COG5: variants seen among roughly 807,000 people sequenced by gnomAD.
COG5 encodes the protein conserved oligomeric Golgi complex subunit 5.
A neutral mutation model predicts 110.4 loss-of-function variants in COG5; 86 were observed. The observed-to-expected ratio is 0.78, with a 90% CI of 0.65 to 0.93. The LOEUF is 0.93. COG5 is among the 40% of genes least tolerant of loss of function. The pLI is 0.00. For synonymous variants in COG5, 360 were observed against 334.6 expected, an observed-to-expected ratio of 1.08 and a Z score of -0.83; for missense variants, 1,077 against 987.0, an observed-to-expected ratio of 1.09 and a Z score of -1.22.
At chr7:107,283,550 C>T (rs1257428495) in intron 13 of COG5, 21 bp downstream of exon 13, 2 of 1,602,648 alleles carry the variant, frequency 1.2e-6, no homozygotes, top group Non-Finnish European at 1.7e-6. Context: ...TATGGCAAGC[C>T]ACTATATAAA....
intron 1 of COG5, among the ~76,000 whole-genome samples, chr7:107,562,716 T>C (rs1006273060): frequency 2.0e-5 from 3 of 152,228 alleles, no homozygotes; most frequent in African/African-American, 7.2e-5. Flanking sequence ...TCATTGCTTT[T>C]GACAAAAGTA....
At chr7:107,560,201 T>C (rs758021421) in intron 1 of COG5, among the ~76,000 whole-genome samples, 4 of 152,182 alleles carry the variant, frequency 2.6e-5, no homozygotes. Flanking sequence ...ATTTACACCA[T>C]GGTAATCAGC....
At chr7:107,533,796 A>C (rs994231351) in intron 5 of COG5, among the ~76,000 whole-genome samples, 2 of 151,600 alleles carry the variant, frequency 1.3e-5, no homozygotes, top group Non-Finnish European at 2.9e-5. Flanking sequence ...CCAACATTCA[A>C]ATTCAGGAAA....
chr7:107,530,224 C>G (rs1361363023), intron 5 of COG5, among the ~76,000 whole-genome samples: 1 of 152,186 alleles, frequency 6.6e-6, no homozygotes, highest in African/African-American at 2.4e-5. Context: ...ACATCTTTAT[C>G]ACCATTACCT....
chr7:107,383,248 T>C (rs1350991602), intron 7 of COG5, among the ~76,000 whole-genome samples: 2 of 152,140 alleles, frequency 1.3e-5, no homozygotes, highest in Non-Finnish European at 2.9e-5. Context: ...AAGGAGTCCA[T>C]GCAACCCCTC....
chr7:107,277,455 C>T (rs767078275), intron 14 of COG5, among the ~76,000 whole-genome samples: 10 of 152,056 alleles, frequency 6.6e-5, no homozygotes, highest in Non-Finnish European at 1.3e-4. Flanking sequence ...AAGAGAACAA[C>T]AACAGTGAAA....
chr7:107,310,107 CCCT>C (rs1272716299), intron 11 of COG5, among the ~76,000 whole-genome samples: 1 of 151,822 alleles, frequency 6.6e-6, no homozygotes, highest in East Asian at 1.9e-4. Context: ...TCCTTTTTTC[CCCT>C]CATTTCTTTT....
chr7:107,336,952 T>G (rs563587631), intron 10 of COG5, among the ~76,000 whole-genome samples: 4 of 151,604 alleles, frequency 2.6e-5, no homozygotes, highest in Non-Finnish European at 5.9e-5. Context: ...AATTCAACAG[T>G]AAGAAACAAA....
chr7:107,368,725 T>C (rs1226039122), intron 8 of COG5, among the ~76,000 whole-genome samples: 1 of 152,176 alleles, frequency 6.6e-6, no homozygotes, highest in Non-Finnish European at 1.5e-5. Flanking sequence ...GTGATGAAAT[T>C]TGGATATTCT....
chr7:107,463,648 C>T (rs1448137267), intron 6 of COG5, among the ~76,000 whole-genome samples: 1 of 152,122 alleles, frequency 6.6e-6, no homozygotes, highest in Non-Finnish European at 1.5e-5. Context: ...GTGTTTTACC[C>T]CCTGTAGGAA....
At chr7:107,412,986 A>G (rs1010372211) in intron 6 of COG5, among the ~76,000 whole-genome samples, 3 of 152,014 alleles carry the variant, frequency 2.0e-5, no homozygotes, top group Non-Finnish European at 4.4e-5. Flanking sequence ...ATGCAAGTAC[A>G]GTTTTTTTGC....
chr7:107,526,562 ATTTC>A (rs1800765412), intron 6 of COG5, among the ~76,000 whole-genome samples: 1 of 152,228 alleles, frequency 6.6e-6, no homozygotes, highest in Non-Finnish European at 1.5e-5. Flanking sequence ...TCTCTAGAAT[ATTTC>A]CTAGAGAAAA....
intron 7 of COG5, among the ~76,000 whole-genome samples, chr7:107,388,774 T>C (rs1790397071): frequency 6.6e-6 from 1 of 152,186 alleles, no homozygotes; most frequent in Admixed American, 6.5e-5. Flanking sequence ...CACACCCCCT[T>C]AGGTCCTCTT....
At chr7:107,484,846 T>C (rs922558012) in intron 6 of COG5, among the ~76,000 whole-genome samples, 2 of 152,206 alleles carry the variant, frequency 1.3e-5, no homozygotes, top group African/African-American at 4.8e-5. Flanking sequence ...GATAGATTCT[T>C]GAATGTTAAA....
At chr7:107,297,520 C>G (rs1806864083) in intron 12 of COG5, among the ~76,000 whole-genome samples, 1 of 139,816 alleles carries the variant, frequency 7.2e-6, no homozygotes, top group Non-Finnish European at 1.5e-5. Context: ...GTGATCTCAG[C>G]TCACTGCTGC....
chr7:107,237,306 A>G (rs1275219330), intron 17 of COG5, among the ~76,000 whole-genome samples: 4 of 152,238 alleles, frequency 2.6e-5, no homozygotes, highest in African/African-American at 9.6e-5. Context: ...CTGATGCTCC[A>G]TGAAATACTA....
rs561173163 is a variant in COG5, at chr7:107,286,083, C to T, written c.1314-2351G>A. Among the ~76,000 whole-genome samples, 198 of 152,036 alleles carry T rather than the reference C, an allele frequency of 1.3e-3. 1 individual carries two copies. The highest frequency in any genetic ancestry group is 4.0e-3 in the African/African-American group (164 of 41,448). ...AGGCAAAGGAAGGCTTACTGAGGGGCCCTGAAGGAAAAGAGGGAGCTAATT... is the reference window on the plus strand; with the variant it reads ...AGGCAAAGGAAGGCTTACTGAGGGGTCCTGAAGGAAAAGAGGGAGCTAATT... On this transcript the variant is annotated intron_variant, in intron 12 of 21. Coordinates refer to ENST00000297135, the MANE Select transcript of COG5 (RefSeq NM_006348.5).
chr7:107,485,098 C>T (rs907889540), intron 6 of COG5, among the ~76,000 whole-genome samples: 6 of 152,128 alleles, frequency 3.9e-5, no homozygotes, highest in Non-Finnish European at 8.8e-5. Flanking sequence ...TATTCTCTCT[C>T]AACAAAATTA....
At chr7:107,283,016 A>G (rs972940367) in intron 13 of COG5, among the ~76,000 whole-genome samples, 1 of 152,220 alleles carries the variant, frequency 6.6e-6, no homozygotes, top group African/African-American at 2.4e-5. Context: ...TAACTTTTAA[A>G]TAAGTGTCTA....
Sources: allele counts gnomAD v4.1 joint callset (sites outside exome capture counted in the v4.1 genomes callset), GRCh38; gene constraint gnomAD v4.1.1; transcripts MANE v1.5; gene names NCBI Gene and HGNC (gene_info 2026-07-23, HGNC 2026-07-21).